Variants in SH3BGR observed in about 807,000 individuals in gnomAD.
The protein encoded by SH3BGR is SH3 domain-binding glutamic acid-rich protein.
In SH3BGR, 29 loss-of-function variants were observed where a neutral mutation model predicts 24.5. That is an observed-to-expected ratio of 1.18 (90% CI 0.88 to 1.61). The LOEUF is 1.61. SH3BGR is among the 40% of genes most tolerant of loss of function. The probability of loss-of-function intolerance (pLI) is 0.00; values close to 1 mark genes in which losing one functional copy is unlikely to be tolerated. For synonymous variants in SH3BGR, 55 were observed against 65.7 expected (o/e 0.84, Z 0.79); for missense variants, 162 against 205.8 (o/e 0.79, Z 1.30).
chr21:39,511,626 T>G lies in SH3BGR; in HGVS notation c.436-54T>G. 6.3e-7 allele frequency: 1 copy of G among 1,577,730 alleles called. No individual in the cohort carries two copies. The highest frequency in any genetic ancestry group is 8.6e-7 in the Non-Finnish European group (1 of 1,161,670). On this transcript the variant is annotated intron_variant, in intron 5 of 6. Coordinates refer to ENST00000333634, the MANE Select transcript of SH3BGR (RefSeq NM_007341.3). The surrounding 1 kb of genome is among the most constrained non-coding windows in gnomAD (Gnocchi z 4.2). ...CAGCATTTTACAGTCTTTTTCTCAC[T>G]GTATCCTTGGCCCTTATGCTTCTTA...
At chr21:39,495,241 T>C (rs1433756616) in intron 3 of SH3BGR, among the ~76,000 whole-genome samples, 1 of 152,184 alleles carries the variant, frequency 6.6e-6, no homozygotes, top group Non-Finnish European at 1.5e-5. Context: ...ATTTTCCTGG[T>C]TCCTTGTATG....
chr21:39,491,632 T>C, intron 3 of SH3BGR: 1 of 230,910 alleles, frequency 4.3e-6, no homozygotes, highest in Non-Finnish European at 9.0e-6. Flanking sequence ...TTCACGAGAT[T>C]GATTCCTCAC....
chr21:39,468,659 G>C (rs553568348), intron 2 of SH3BGR, among the ~76,000 whole-genome samples: 1 of 152,284 alleles, frequency 6.6e-6, no homozygotes, highest in East Asian at 1.9e-4. Flanking sequence ...GGCTGGTCTT[G>C]AATTCCTGGG....
upstream of SH3BGR, among the ~76,000 whole-genome samples, chr21:39,451,424 T>C (rs2077572438): frequency 6.6e-6 from 1 of 152,190 alleles, no homozygotes; most frequent in African/African-American, 2.4e-5. Flanking sequence ...TTCTGTTCTT[T>C]AGGAGAAACA....
chr21:39,487,581 C>G (rs2078231638), intron 3 of SH3BGR, among the ~76,000 whole-genome samples: 1 of 152,144 alleles, frequency 6.6e-6, no homozygotes, highest in African/African-American at 2.4e-5. Context: ...ATTCCAACAG[C>G]CAGACAAACA....
chr21:39,475,075 G>A (rs368867980), intron 2 of SH3BGR, 60 bp from the exon 3 acceptor site: 66 of 1,056,336 alleles, frequency 6.2e-5, no homozygotes, highest in Non-Finnish European at 8.3e-5. Context: ...ATCAGTTTCC[G>A]TAAATAAACT....
chr21:39,493,690 G>A (rs1005017122), intron 3 of SH3BGR, among the ~76,000 whole-genome samples: 2 of 152,106 alleles, frequency 1.3e-5, no homozygotes, highest in African/African-American at 4.8e-5. Flanking sequence ...CATTGAATTT[G>A]TAGATTGCAT....
intron 1 of SH3BGR, among the ~76,000 whole-genome samples, chr21:39,458,738 C>T (rs896969363): frequency 1.4e-4 from 21 of 151,620 alleles, no homozygotes; most frequent in African/African-American, 4.9e-4. Flanking sequence ...CCTCTGCCTC[C>T]GGGGTTCAAG....
chr21:39,466,301 C>A (rs1337220441), intron 2 of SH3BGR, among the ~76,000 whole-genome samples: 1 of 152,170 alleles, frequency 6.6e-6, no homozygotes, highest in Non-Finnish European at 1.5e-5. Context: ...GGATTTCTTT[C>A]TTTATGGGTA....
intron 4 of SH3BGR, 90 bp downstream of exon 4, chr21:39,500,005 G>T (rs1388730831): frequency 1.1e-6 from 1 of 943,496 alleles, no homozygotes; most frequent in East Asian, 2.4e-5. Context: ...CTGGGCACAA[G>T]CAGTCAGAAA....
intron 2 of SH3BGR, among the ~76,000 whole-genome samples, chr21:39,463,870 A>G (rs1859893093): frequency 6.6e-6 from 1 of 152,222 alleles, no homozygotes; most frequent in South Asian, 2.1e-4. Context: ...TTGCTGTATC[A>G]AACTACCACA....
At chr21:39,473,758 A>G (rs996476950) in intron 2 of SH3BGR, among the ~76,000 whole-genome samples, 37 of 151,752 alleles carry the variant, frequency 2.4e-4, no homozygotes, top group Non-Finnish European at 3.4e-4. Context: ...GATGGCATGC[A>G]CCTGTAATCC....
intron 6 of SH3BGR, among the ~76,000 whole-genome samples, 184 bp from the exon 7 acceptor site, chr21:39,514,904 T>C (rs565433814): frequency 2.6e-5 from 4 of 152,252 alleles, no homozygotes; most frequent in Admixed American, 1.3e-4. Flanking sequence ...AGAAAGGATA[T>C]AAATCTAGCT....
chr21:39,485,841 C>A (rs1416831751), intron 3 of SH3BGR, among the ~76,000 whole-genome samples: 1 of 152,124 alleles, frequency 6.6e-6, no homozygotes, highest in Non-Finnish European at 1.5e-5. Context: ...GCGCCCGCCA[C>A]CACGCCCGGC....
intron 1 of SH3BGR, among the ~76,000 whole-genome samples, chr21:39,459,248 C>T (rs1429460116): frequency 1.1e-4 from 17 of 148,778 alleles, no homozygotes; most frequent in African/African-American, 4.2e-4. Flanking sequence ...TTTTTTGAGA[C>T]GGAGTCTCAC....
intron 2 of SH3BGR, among the ~76,000 whole-genome samples, chr21:39,474,303 A>T (rs2077991535): frequency 6.6e-6 from 1 of 152,180 alleles, no homozygotes. Flanking sequence ...AGAGTAGGGT[A>T]GGCAAAGAAC....
In SH3BGR at chr21:39,511,686, GA is replaced by G. The variant is rs777570902; in HGVS notation, c.445del (p.Ile149Ter). On this transcript the variant is annotated frameshift_variant, in exon 6 of 7. Transcript: ENST00000333634. LOFTEE classifies it high-confidence loss of function. The surrounding 1 kb of genome is among the most constrained non-coding windows in gnomAD (Gnocchi z 4.2). ...EGETATEETE[E>X]IAMEGAEGEA... ...TAAGTTTTGTTAAAATAAGACGGAA[GA>G]AATAGCCATGGAGGGTGCGGAAGGG... 5 of 1,611,364 alleles carry G rather than the reference GA, an allele frequency of 3.1e-6. No homozygotes were observed. The highest frequency in any genetic ancestry group is 4.2e-6 in the Non-Finnish European group (5 of 1,179,192).
intron 3 of SH3BGR, among the ~76,000 whole-genome samples, chr21:39,479,250 G>C (rs1395514651): frequency 1.3e-5 from 2 of 150,594 alleles, no homozygotes; most frequent in Non-Finnish European, 3.0e-5. Flanking sequence ...GGTGGTGGTG[G>C]TGGTGGTGAT....
chr21:39,462,373 A>G lies in SH3BGR; in HGVS notation c.46-2A>G, dbSNP rs750996639. On this transcript the variant is annotated splice_acceptor_variant, in intron 1 of 6. Transcript: ENST00000333634. LOFTEE classifies it high-confidence loss of function. ...GCCTAATATTTCTCTACTCTTGACC[A>G]GATTAGGAAGAAACAGCAAGAAGTA... is the stretch of plus-strand genomic sequence containing the variant. The G allele has an allele frequency of 1.3e-6, 2 of 1,594,820 alleles. No individual in the cohort carries two copies. The highest frequency in any genetic ancestry group is 2.2e-5 in the East Asian group (1 of 44,578).
Sources: gnomAD v4.1 joint callset for allele counts (sites outside exome capture counted in the v4.1 genomes callset) on GRCh38, gnomAD v4.1.1 for gene constraint, Gnocchi (gnomAD v3.1) non-coding constraint, MANE v1.5 for transcripts, NCBI Gene and HGNC (gene_info 2026-07-23, HGNC 2026-07-21) for gene names.